Variants in RSU1 observed in about 807,000 individuals in gnomAD.
RSU1 encodes Ras suppressor protein 1, also known as rsu-1.
Under a neutral mutation model 31.1 loss-of-function variants are expected in RSU1, and 26 were observed. The ratio of observed to expected loss-of-function variants is 0.84; its 90% CI spans 0.61 to 1.16. RSU1 has a LOEUF of 1.16. RSU1 is among the 50% of genes most tolerant of loss of function. RSU1 has a pLI of 0.00. For synonymous variants in RSU1, 164 were observed against 136.3 expected, an observed-to-expected ratio of 1.20 and a Z score of -1.41; for missense variants, 320 against 339.1, an observed-to-expected ratio of 0.94 and a Z score of 0.44.
intron 8 of RSU1, among the ~76,000 whole-genome samples, chr10:16,609,401 T>C (rs1483858702): frequency 6.6e-6 from 1 of 152,118 alleles, no homozygotes; most frequent in Non-Finnish European, 1.5e-5. Flanking sequence ...AAGCTTGTCA[T>C]AACAGCCCCT....
chr10:16,765,739 T>TG (rs1224221898), intron 3 of RSU1, among the ~76,000 whole-genome samples: 1 of 152,166 alleles, frequency 6.6e-6, no homozygotes, highest in African/African-American at 2.4e-5. Flanking sequence ...AACAGGGGCG[T>TG]GGAACTCAGC....
chr10:16,720,393 A>G (rs934202594), intron 7 of RSU1, among the ~76,000 whole-genome samples: 1 of 152,250 alleles, frequency 6.6e-6, no homozygotes, highest in Non-Finnish European at 1.5e-5. Context: ...TAAATGTCCA[A>G]CAGAAATGCA....
chr10:16,808,012 G>T (rs1838311685), intron 2 of RSU1, among the ~76,000 whole-genome samples: 1 of 123,304 alleles, frequency 8.1e-6, no homozygotes, highest in Non-Finnish European at 1.6e-5. Context: ...GACACAGCAA[G>T]ACTCTGTCTC....
chr10:16,764,460 A>C lies in RSU1; in HGVS notation c.211T>G (p.Phe71Val), dbSNP rs768436067. 3.1e-6 allele frequency: 5 copies of C among 1,614,114 alleles called. No individual in the cohort carries two copies. The South Asian group carries it at 5.5e-5, about 18-fold the overall frequency. Residue 71 changes from phenylalanine to valine, a missense_variant, in exon 4 of 9, where the codon TTT becomes GTT. Transcript: ENST00000345264. ...ELKNLEVLNF[F>V]NNQIEELPTQ... is the part of the protein sequence containing the mutation. Reference sequence around the variant, plus strand: ...GGCAGCTCCTCGATTTGGTTATTAAAAAAGTTGAGCACCTCCAAATTCTTC... The same window carrying C: ...GGCAGCTCCTCGATTTGGTTATTAACAAAGTTGAGCACCTCCAAATTCTTC...
chr10:16,665,401 A>G (rs1236278965), intron 8 of RSU1, among the ~76,000 whole-genome samples: 1 of 152,214 alleles, frequency 6.6e-6, no homozygotes, highest in Non-Finnish European at 1.5e-5. Flanking sequence ...ATTTGAACTA[A>G]AGGAAGTCTG....
At chr10:16,782,807 A>G (rs1837682215) in intron 2 of RSU1, among the ~76,000 whole-genome samples, 1 of 152,190 alleles carries the variant, frequency 6.6e-6, no homozygotes, top group African/African-American at 2.4e-5. Flanking sequence ...AGTAAAAGAG[A>G]GAAATGATCT....
At chr10:16,744,591 T>C (rs962119807) in intron 7 of RSU1, among the ~76,000 whole-genome samples, 11 of 152,092 alleles carry the variant, frequency 7.2e-5, no homozygotes, top group Non-Finnish European at 1.0e-4. Context: ...AAGTTAATAA[T>C]CATATAAAGG....
chr10:16,794,902 C>T (rs917417299), intron 2 of RSU1, among the ~76,000 whole-genome samples: 1 of 152,238 alleles, frequency 6.6e-6, no homozygotes, highest in Non-Finnish European at 1.5e-5. Context: ...CCTGTCATCC[C>T]ATGAGATCCT....
At chr10:16,814,046 T>C (rs537532812) in intron 2 of RSU1, among the ~76,000 whole-genome samples, 2 of 152,264 alleles carry the variant, frequency 1.3e-5, no homozygotes, top group Non-Finnish European at 1.5e-5. Context: ...AAACTTGAGA[T>C]GCAAGAAACA....
At chr10:16,684,945 T>A (rs1028184407) in intron 8 of RSU1, among the ~76,000 whole-genome samples, 30 of 152,286 alleles carry the variant, frequency 2.0e-4, no homozygotes, top group African/African-American at 7.2e-4. Context: ...GTATTGTATA[T>A]GTTCCAAATG....
intron 8 of RSU1, among the ~76,000 whole-genome samples, chr10:16,683,160 G>GGTGTGTGTGTGTGT (rs4012467): frequency 0.012 from 1,737 of 143,438 alleles, 40 homozygotes; most frequent in African/African-American, 0.041. Flanking sequence ...ATGGGTGTGT[G>GGTGTGTGTGTGTGT]GTGTGTGTGT....
rs10533045 is a variant in RSU1, at chr10:16,648,776, T to TTAAATAAA, written c.731+46239_731+46246dup. 4.4e-3 allele frequency among the ~76,000 whole-genome samples: 657 copies of TTAAATAAA among 148,722 alleles called. 4 individuals are homozygous for TTAAATAAA. The highest frequency in any genetic ancestry group is 0.014 in the African/African-American group (581 of 40,520). On this transcript the variant is annotated intron_variant, in intron 8 of 8. Coordinates refer to ENST00000345264, the MANE Select transcript of RSU1 (RefSeq NM_012425.4). ...GTTTATTGTTGAAAACCAAGATACT[T>TTAAATAAA]TAAATAAATAAATAAATAAATAAAT...
In RSU1 at chr10:16,646,040, ACATATAT is replaced by A. The variant is rs1834561983; in HGVS notation, c.731+48976_731+48982del. Among the ~76,000 whole-genome samples, 3 of 60,460 alleles carry A rather than the reference ACATATAT, an allele frequency of 5.0e-5. 1 individual carries two copies. Among genetic ancestry groups the A allele is most frequent in the African/African-American group, 2.1e-4 (3 of 14,518 alleles). The allele number at this position is 60,460 out of a possible 152,430, so 39.7% of individuals were successfully genotyped here. ...TATATGTGTATATATATGTGTATAT[ACATATAT>A]GTGTATATATATATACACACACACA... On this transcript the variant is annotated intron_variant, in intron 8 of 8. Transcript: ENST00000345264.
chr10:16,687,207 C>T (rs932030244), intron 8 of RSU1, among the ~76,000 whole-genome samples: 8 of 152,184 alleles, frequency 5.3e-5, no homozygotes, highest in African/African-American at 1.7e-4. Flanking sequence ...TTCAGGAATA[C>T]AGCTAGTCTC....
chr10:16,764,545 A>G, intron 3 of RSU1, 35 bp from the exon 4 acceptor site: 1 of 1,598,776 alleles, frequency 6.3e-7, no homozygotes. Context: ...TGAATCTGGG[A>G]ATGGAACTCC....
intron 3 of RSU1, among the ~76,000 whole-genome samples, chr10:16,778,189 G>A (rs11254179): frequency 0.018 from 2,795 of 151,896 alleles, 63 homozygotes; most frequent in East Asian, 0.11. Flanking sequence ...AAGAGATGGG[G>A]TCTTGCTATG....
chr10:16,633,884 T>C (rs987154752), intron 8 of RSU1, among the ~76,000 whole-genome samples: 6 of 152,248 alleles, frequency 3.9e-5, no homozygotes, highest in South Asian at 4.2e-4. Context: ...CCGAGACCGA[T>C]TGGACATCTA....
chr10:16,783,163 A>G (rs1837692741), intron 2 of RSU1, among the ~76,000 whole-genome samples: 4 of 152,050 alleles, frequency 2.6e-5, no homozygotes, highest in Admixed American at 2.6e-4. Context: ...CTCCCACCTT[A>G]GCCTCCCAAA....
chr10:16,690,765 G>A (rs957661883), intron 8 of RSU1, among the ~76,000 whole-genome samples: 11 of 152,222 alleles, frequency 7.2e-5, no homozygotes, highest in East Asian at 1.9e-4. Context: ...AAAACATTCC[G>A]GTAAGTTTTT....
Sources: allele counts gnomAD v4.1 joint callset (sites outside exome capture counted in the v4.1 genomes callset), GRCh38; gene constraint gnomAD v4.1.1; transcripts MANE v1.5; gene names NCBI Gene and HGNC (gene_info 2026-07-23, HGNC 2026-07-21).